PREX2: variants seen among roughly 807,000 people sequenced by gnomAD.
The protein encoded by PREX2 is phosphatidylinositol-3,4,5-trisphosphate dependent Rac exchange factor 2, also known as phosphatidylinositol 3,4,5-trisphosphate-dependent Rac exchanger 2 protein.
Under a neutral mutation model 203.2 loss-of-function variants are expected in PREX2, and 107 were observed. The ratio of observed to expected loss-of-function variants is 0.53; its 90% CI spans 0.45 to 0.62. The LOEUF (loss-of-function observed/expected upper bound fraction) is 0.62. Ranked by LOEUF, PREX2 falls within the 20% of genes least tolerant of loss-of-function variation. PREX2 has a pLI of 0.00. For missense variants in PREX2, 1,777 were observed against 1,955.9 expected (o/e 0.91, Z 1.72); for synonymous variants, 672 against 663.6 (o/e 1.01, Z -0.19).
intron 31 of PREX2, among the ~76,000 whole-genome samples, chr8:68,128,143 A>G (rs1409920309): frequency 6.6e-6 from 1 of 152,220 alleles, no homozygotes; most frequent in Non-Finnish European, 1.5e-5. Flanking sequence ...CCATTTAATT[A>G]CAGTGAACAG....
rs769525905 is a variant in PREX2 at position 68,118,654 on chromosome 8, T to C, written c.3421+10T>C. 3.1e-6 allele frequency: 5 copies of C among 1,596,560 alleles called. No individual in the cohort carries two copies. The highest frequency in any genetic ancestry group is 1.1e-5 in the South Asian group (1 of 90,684). On this transcript the variant is annotated intron_variant, in intron 27 of 39. Transcript: ENST00000288368. ...GATGAAATGGACTCAGGTGTGTTCG[T>C]TGGTGAAGGCCTGTGGGCTTTTTGA...
intron 37 of PREX2, among the ~76,000 whole-genome samples, chr8:68,202,578 C>T (rs551493700): frequency 6.6e-6 from 1 of 152,226 alleles, no homozygotes; most frequent in South Asian, 2.1e-4. Flanking sequence ...AAGATGAGAC[C>T]TAGCACCGAA....
chr8:67,993,215 T>C (rs948559064), intron 1 of PREX2, among the ~76,000 whole-genome samples: 1 of 152,186 alleles, frequency 6.6e-6, no homozygotes. Context: ...GCTTCAATTG[T>C]ATCATCTGAC....
chr8:68,145,513 C>G (rs1372468592), intron 33 of PREX2, among the ~76,000 whole-genome samples: 1 of 152,148 alleles, frequency 6.6e-6, no homozygotes, highest in Non-Finnish European at 1.5e-5. Context: ...TATGACTATT[C>G]AGCCTTTTAG....
At chr8:68,105,001 A>G (rs1418813871) in intron 23 of PREX2, 2 of 558,452 alleles carry the variant, frequency 3.6e-6, no homozygotes, top group African/African-American at 2.0e-5. Flanking sequence ...TCTCCAAAGC[A>G]GATTAATGAG....
chr8:68,180,899 A>T (rs1212131333), intron 35 of PREX2, among the ~76,000 whole-genome samples: 1 of 152,076 alleles, frequency 6.6e-6, no homozygotes, highest in Non-Finnish European at 1.5e-5. Flanking sequence ...GAGAGGAGTT[A>T]TTGGACTATG....
In PREX2 at chr8:68,093,666, C is replaced by A. The variant is rs2129612348; in HGVS notation, c.2312C>A (p.Ser771Tyr). 6 of 1,612,126 alleles carry A rather than the reference C, an allele frequency of 3.7e-6. No homozygotes were observed. Among genetic ancestry groups the A allele is most frequent in the Non-Finnish European group, 5.1e-6 (6 of 1,178,388 alleles). ...AGTGCTCAAGAAGACCTTCAAAAAT[C>A]TCACTCCAAGCCCCCTGGAGATGAA... is the stretch of plus-strand genomic sequence containing the variant. ...IESAQEDLQK[S>Y]HSKPPGDEAG... The change falls in exon 21 of 40, where the codon TCT (serine) becomes TAT (tyrosine). Residue 771 changes from serine to tyrosine, a missense_variant. Coordinates refer to ENST00000288368, the MANE Select transcript of PREX2 (RefSeq NM_024870.4).
At chr8:68,012,899 A>G (rs1197229542) in intron 1 of PREX2, among the ~76,000 whole-genome samples, 1 of 152,224 alleles carries the variant, frequency 6.6e-6, no homozygotes, top group African/African-American at 2.4e-5. Context: ...CCAAATGTCA[A>G]TAATGTCAAG....
At chr8:68,008,068 A>C (rs1299721681) in intron 1 of PREX2, among the ~76,000 whole-genome samples, 1 of 152,168 alleles carries the variant, frequency 6.6e-6, no homozygotes, top group Non-Finnish European at 1.5e-5. Context: ...TTGGGTTTCA[A>C]ATCCAGGCAG....
rs1186545438 is a variant in PREX2 at position 68,157,425 on chromosome 8, C to T, written c.4335C>T (p.Asn1445=). The change falls in exon 35 of 40, where the codon AAC becomes AAT. Residue 1445 remains asparagine (N), a synonymous_variant. Transcript: ENST00000288368. ...CACTGGAAAAGGTCAAACAGTACAACCAGAAGCTCAGGTATGTAACAATCC... is the reference window on the plus strand; with the variant it reads ...CACTGGAAAAGGTCAAACAGTACAATCAGAAGCTCAGGTATGTAACAATCC... ...AASLEKVKQY[N]QKLRAFYLDK... 2 of 1,597,424 alleles carry T rather than the reference C, an allele frequency of 1.3e-6. No individual in the cohort carries two copies. Among genetic ancestry groups the T allele is most frequent in the Non-Finnish European group, 1.7e-6 (2 of 1,165,574 alleles).
Position 68,097,124 on chromosome 8 carries a change from G to A in PREX2, c.2476G>A (p.Asp826Asn), listed in dbSNP as rs755479314. The change falls in exon 22 of 40, where the codon GAC (aspartate) becomes AAC (asparagine). Residue 826 changes from aspartate (D) to asparagine (N), a missense_variant. By Grantham distance (23) the Asp-to-Asn change is conservative (BLOSUM62 1). Transcript: ENST00000288368. ...HLEYGVVYEY[D>N]STAGIKCNVV... ...GGAATATGGTGTCGTGTATGAGTAC[G>A]ACAGCACAGCTGGCATCAAGTGCAA... 8.1e-6 allele frequency: 13 copies of A among 1,613,866 alleles called. No individual in the cohort carries two copies. The Admixed American group carries it at 1.8e-4, about 23-fold the overall frequency.
intron 25 of PREX2, among the ~76,000 whole-genome samples, chr8:68,114,649 G>A (rs1212946500): frequency 1.3e-5 from 2 of 152,152 alleles, no homozygotes; most frequent in Non-Finnish European, 2.9e-5. Context: ...GTCTGACTGC[G>A]GCATTTTAGC....
chr8:68,088,591 T>C (rs1320478932), intron 19 of PREX2, among the ~76,000 whole-genome samples: 1 of 150,198 alleles, frequency 6.7e-6, no homozygotes, highest in East Asian at 2.0e-4. Flanking sequence ...ATCAAATTTA[T>C]CAAGGACATA....
intron 38 of PREX2, among the ~76,000 whole-genome samples, chr8:68,219,672 C>G (rs1008549680): frequency 1.3e-5 from 2 of 152,178 alleles, no homozygotes; most frequent in African/African-American, 2.4e-5. Flanking sequence ...GATCATAGAG[C>G]CTGGGACCCT....
At chr8:67,975,542 AAAG>A (rs1313690507) in intron 1 of PREX2, among the ~76,000 whole-genome samples, 1 of 151,942 alleles carries the variant, frequency 6.6e-6, no homozygotes, top group African/African-American at 2.4e-5. Context: ...TACATTGAAC[AAAG>A]AAGAAAACGA....
At chr8:68,017,348 G>A (rs1807435437) in intron 1 of PREX2, among the ~76,000 whole-genome samples, 1 of 152,066 alleles carries the variant, frequency 6.6e-6, no homozygotes, top group African/African-American at 2.4e-5. Flanking sequence ...ATGTCTTCCT[G>A]GGACATAGTG....
chr8:68,102,623 T>G (rs1017521636), intron 23 of PREX2, among the ~76,000 whole-genome samples: 16 of 152,246 alleles, frequency 1.1e-4, no homozygotes, highest in African/African-American at 3.9e-4. Flanking sequence ...AACATATTTT[T>G]CTTCCTGATG....
At chr8:68,146,384 CT>C in intron 34 of PREX2, 32 bp downstream of exon 34, 1 of 1,542,064 alleles carries the variant, frequency 6.5e-7, no homozygotes, top group Non-Finnish European at 8.8e-7. Flanking sequence ...GGCTGCTATA[CT>C]TTAATTATTT....
At chr8:67,981,566 C>G (rs1043157578) in intron 1 of PREX2, among the ~76,000 whole-genome samples, 4 of 152,150 alleles carry the variant, frequency 2.6e-5, no homozygotes, top group African/African-American at 9.7e-5. Flanking sequence ...GGAAACTAAA[C>G]AAGACCAAAT....
Sources: gnomAD v4.1 joint callset for allele counts (sites outside exome capture counted in the v4.1 genomes callset) on GRCh38, gnomAD v4.1.1 for gene constraint, MANE v1.5 for transcripts, NCBI Gene and HGNC (gene_info 2026-07-23, HGNC 2026-07-21) for gene names.